Variants in PCDH11X observed in about 807,000 individuals in gnomAD.
The protein encoded by PCDH11X is protocadherin 11 X-linked.
Under a neutral mutation model 53.3 loss-of-function variants are expected in PCDH11X, and 18 were observed. That is an observed-to-expected ratio of 0.34 (90% CI 0.23 to 0.50). PCDH11X has a LOEUF of 0.50. PCDH11X is among the 20% of genes least tolerant of loss of function. The pLI, the probability that PCDH11X is intolerant of heterozygous loss-of-function variation, is 0.98. For synonymous variants in PCDH11X, 279 were observed against 393.3 expected (o/e 0.71, Z 3.44); for missense variants, 570 against 1,032.4 (o/e 0.55, Z 6.14).
chrX:92,448,200 G>A (rs2072699258), intron 9 of PCDH11X, among the ~76,000 whole-genome samples: 1 of 107,738 alleles, frequency 9.3e-6, no homozygotes, highest in South Asian at 4.2e-4. Flanking sequence ...GACTTTGGGA[G>A]ACTGTTGGGA....
chrX:91,925,127 T>A (rs2147827103), intron 6 of PCDH11X, among the ~76,000 whole-genome samples: 1 of 110,245 alleles, frequency 9.1e-6, no homozygotes, highest in South Asian at 3.9e-4. Flanking sequence ...CACAGTAAAT[T>A]AAAAATATTG....
At position 92,573,189 on chromosome X, in the gene PCDH11X, G is replaced by A. The variant is rs972553895; in HGVS notation, c.3368-45075G>A. Among the ~76,000 whole-genome samples the A allele has an allele frequency of 2.7e-5, 3 of 111,018 alleles. No individual in the cohort carries two copies. The Admixed American group carries it at 2.9e-4, about 11-fold the overall frequency. On this transcript the variant is annotated intron_variant, in intron 10 of 10. Coordinates refer to ENST00000682573, the MANE Select transcript of PCDH11X (RefSeq NM_032968.5). ...CCTTTGCCATGATTTTTGAGCACTT[G>A]GGGAGGTGACTTTACTTTGCCTTGG...
In PCDH11X at chrX:91,915,771, G is replaced by C. The variant is rs562782159; in HGVS notation, c.3033+36498G>C. ...GCAGGACTTCAATACTCCACTGCCG[G>C]CACTAGACAGGTCATCAAGGCAAAA... On this transcript the variant is annotated intron_variant, in intron 6 of 10. Coordinates refer to ENST00000682573, the MANE Select transcript of PCDH11X (RefSeq NM_032968.5). 2.2e-4 allele frequency among the ~76,000 whole-genome samples: 24 copies of C among 111,330 alleles called. No individual in the cohort carries two copies. The South Asian group carries it at 9.1e-3, about 42-fold the overall frequency.
intron 9 of PCDH11X, among the ~76,000 whole-genome samples, chrX:92,464,874 C>T (rs768188532): frequency 9.0e-6 from 1 of 110,571 alleles, no homozygotes; most frequent in East Asian, 2.9e-4. Flanking sequence ...CACAGTCTTC[C>T]GTACACTGAT....
At chrX:92,051,020 C>G (rs1336781537) in intron 6 of PCDH11X, among the ~76,000 whole-genome samples, 9 of 111,897 alleles carry the variant, frequency 8.0e-5, no homozygotes, top group Non-Finnish European at 1.3e-4. Flanking sequence ...ATATAAATTT[C>G]TATACTATGA....
rs752175700 is a variant in PCDH11X at position 92,513,128 on chromosome X, G to A, written c.3367+44806G>A. Among the ~76,000 whole-genome samples the A allele has an allele frequency of 1.2e-4, 13 of 110,648 alleles. 1 individual carries two copies. Among genetic ancestry groups the A allele is most frequent in the African/African-American group, 4.3e-4 (13 of 30,530 alleles). ...TATAAAATACACAAATAGTATATTC[G>A]TATGCTTACTATTGTTAAAATCCGA... On this transcript the variant is annotated intron_variant, in intron 10 of 10. Transcript: ENST00000682573.
chrX:92,259,901 G>A (rs750910066), intron 7 of PCDH11X, among the ~76,000 whole-genome samples: 48 of 111,322 alleles, frequency 4.3e-4, no homozygotes, highest in Admixed American at 1.9e-4. Context: ...GGGAGTTAGG[G>A]CCTGGAACGG....
intron 8 of PCDH11X, among the ~76,000 whole-genome samples, chrX:92,270,266 A>T (rs191508469): frequency 1.7e-3 from 188 of 109,530 alleles, no homozygotes; most frequent in Admixed American, 4.2e-3. Context: ...GGCGCCCACC[A>T]CCAAGCCCGG....
At chrX:92,276,639 G>A (rs1969531149) in intron 8 of PCDH11X, among the ~76,000 whole-genome samples, 2 of 111,174 alleles carry the variant, frequency 1.8e-5, no homozygotes, top group Admixed American at 9.6e-5. Context: ...TGGAGGCAAG[G>A]AATTGCAAGT....
chrX:92,119,685 T>G (rs1284605016), intron 6 of PCDH11X, among the ~76,000 whole-genome samples: 1 of 111,900 alleles, frequency 8.9e-6, no homozygotes, highest in East Asian at 2.8e-4. Context: ...TTCTATTATT[T>G]CTAAATAAAC....
intron 6 of PCDH11X, among the ~76,000 whole-genome samples, chrX:92,033,518 A>AT (rs1366088607): frequency 9.1e-6 from 1 of 110,379 alleles, no homozygotes; most frequent in Admixed American, 9.7e-5. Context: ...AGGTTTTCCA[A>AT]TTTATAGACA....
chrX:92,419,808 T>A (rs1207937009), intron 9 of PCDH11X, among the ~76,000 whole-genome samples: 3 of 104,410 alleles, frequency 2.9e-5, no homozygotes, highest in African/African-American at 1.0e-4. Flanking sequence ...GCCTCCTGAG[T>A]AGCTGGGACT....
At chrX:92,037,447 T>A (rs2063143290) in intron 6 of PCDH11X, among the ~76,000 whole-genome samples, 1 of 112,051 alleles carries the variant, frequency 8.9e-6, no homozygotes, top group Admixed American at 9.5e-5. Flanking sequence ...ATTTTCTTTA[T>A]CCAGTCTATT....
intron 6 of PCDH11X, among the ~76,000 whole-genome samples, chrX:92,152,782 T>C (rs2065459916): frequency 9.6e-6 from 1 of 104,398 alleles, no homozygotes; most frequent in Non-Finnish European, 1.9e-5. Flanking sequence ...TATGTATGTA[T>C]GTATGTATGT....
At chrX:92,547,042 C>T (rs1378621419) in intron 10 of PCDH11X, among the ~76,000 whole-genome samples, 1 of 108,823 alleles carries the variant, frequency 9.2e-6, no homozygotes, top group Non-Finnish European at 1.9e-5. Flanking sequence ...AAATGATTTT[C>T]CTCCTCAGCA....
chrX:92,344,751 G>A (rs1232597537), intron 8 of PCDH11X, among the ~76,000 whole-genome samples: 5 of 106,094 alleles, frequency 4.7e-5, no homozygotes, highest in Non-Finnish European at 9.7e-5. Context: ...TAACATTAAT[G>A]TCTATGCAAT....
chrX:91,871,379 T>A (rs1372411248), intron 5 of PCDH11X, among the ~76,000 whole-genome samples: 1 of 104,200 alleles, frequency 9.6e-6, no homozygotes, highest in East Asian at 2.9e-4. Flanking sequence ...GTGGTGAAAG[T>A]CAGAAATAAA....
chrX:92,437,267 G>A lies in PCDH11X; in HGVS notation c.3344-31032G>A, dbSNP rs780556251. Among the ~76,000 whole-genome samples the A allele has an allele frequency of 5.4e-3, 605 of 111,532 alleles. 4 individuals are homozygous for A. Among genetic ancestry groups the A allele is most frequent in the African/African-American group, 0.017 (531 of 30,798 alleles). ...TTAGTTTAACCACTCAAAATAGGAA[G>A]TCAGGATTCTGTTTATAATTCTAAC... On this transcript the variant is annotated intron_variant, in intron 9 of 10. Transcript: ENST00000682573.
intron 6 of PCDH11X, among the ~76,000 whole-genome samples, chrX:92,093,256 C>T (rs779846258): frequency 1.8e-5 from 2 of 111,454 alleles, no homozygotes; most frequent in Non-Finnish European, 3.8e-5. Context: ...CGAGAGGGTA[C>T]GTTTTCATCC....
Sources: gnomAD v4.1 joint callset for allele counts (sites outside exome capture counted in the v4.1 genomes callset) on GRCh38, gnomAD v4.1.1 for gene constraint, MANE v1.5 for transcripts, NCBI Gene and HGNC (gene_info 2026-07-23, HGNC 2026-07-21) for gene names.